The following COL9A3 variants were observed in gnomAD, a reference collection of about 807,000 sequenced individuals.
COL9A3 encodes collagen type IX alpha 3 chain.
COL9A3 carries 82 observed loss-of-function variants against 110.2 expected under a neutral mutation model. That is an observed-to-expected ratio of 0.74 (90% CI 0.62 to 0.89). COL9A3 has a LOEUF of 0.89. Ranked by LOEUF, COL9A3 falls within the 40% of genes least tolerant of loss-of-function variation. The pLI is 0.00. For synonymous variants in COL9A3, 494 were observed against 403.8 expected, an observed-to-expected ratio of 1.22 and a Z score of -2.68; for missense variants, 1,066 against 981.3, an observed-to-expected ratio of 1.09 and a Z score of -1.15.
chr20:62,817,061 A>G lies in COL9A3; in HGVS notation c.-4A>G. 7.4e-7 allele frequency: 1 copy of G among 1,352,728 alleles called. No homozygotes were observed. Among genetic ancestry groups the G allele is most frequent in the Non-Finnish European group, 9.6e-7 (1 of 1,045,458 alleles). 83.8% of individuals were successfully genotyped at this position (1,352,728 alleles called of 1,614,324 possible). A position where few individuals can be genotyped will look rare whatever the true frequency, so the allele number is the denominator to read the frequency against. ...CGACGCCGCAGCTCAGACTCCGCTCAGCCATGGCCGGGCCGCGCGCGTGCG... is the reference window on the plus strand; with the variant it reads ...CGACGCCGCAGCTCAGACTCCGCTCGGCCATGGCCGGGCCGCGCGCGTGCG... On this transcript the variant is annotated 5_prime_UTR_variant, in exon 1 of 32. Coordinates refer to ENST00000649368, the MANE Select transcript of COL9A3 (RefSeq NM_001853.4).
In COL9A3 at chr20:62,832,318, GTGTC is replaced by G. The variant is rs1386528569; in HGVS notation, c.1323+134_1323+137del. ...ACTGAGCCTCCTTTCTCCTCTTGCC[GTGTC>G]TGTCAGTCGCCCTTTCTGGCTCCTG... On this transcript the variant is annotated intron_variant, in intron 25 of 31. Transcript: ENST00000649368. 3.3e-6 allele frequency: 3 copies of G among 911,426 alleles called. No homozygotes were observed. In the African/African-American group the frequency reaches 5.7e-5, roughly 17 times the overall value. 56.5% of individuals were successfully genotyped at this position (911,426 alleles called of 1,614,324 possible).
At chr20:62,825,316 G>A (rs867769061) in intron 12 of COL9A3, 29 of 334,582 alleles carry the variant, frequency 8.7e-5, no homozygotes, top group Middle Eastern at 9.5e-4. Context: ...GACAGACCCC[G>A]TCCTGCCTGG....
At position 62,821,499 on chromosome 20, in the gene COL9A3, C is replaced by A. The variant is rs758643396; in HGVS notation, c.346-8C>A. ...TGGCAGGCTCTGACCCCATGTTTGG[C>A]TTTGCAGGGCAAAGGCCTCCCTGGA... is the stretch of plus-strand genomic sequence containing the variant. On this transcript the variant is annotated splice_polypyrimidine_tract_variant and splice_region_variant and intron_variant, in intron 6 of 31. Coordinates refer to ENST00000649368, the MANE Select transcript of COL9A3 (RefSeq NM_001853.4). 4.3e-6 allele frequency: 7 copies of A among 1,612,936 alleles called. No individual in the cohort carries two copies. The Admixed American group carries it at 6.7e-5, about 15-fold the overall frequency.
chr20:62,833,549 G>A (rs868000669), intron 26 of COL9A3, among the ~76,000 whole-genome samples: 43 of 150,326 alleles, frequency 2.9e-4, no homozygotes, highest in African/African-American at 6.9e-4. Flanking sequence ...GACTACAGGC[G>A]CCCGCCACCA....
intron 14 of COL9A3, among the ~76,000 whole-genome samples, chr20:62,826,477 C>T (rs1031053874): frequency 2.0e-5 from 3 of 152,094 alleles, no homozygotes; most frequent in African/African-American, 7.2e-5. Flanking sequence ...CGCACGCGGT[C>T]CCAGGCTGCT....
At chr20:62,830,472 C>A in intron 23 of COL9A3, 45 bp from the exon 24 acceptor site, 2 of 1,595,410 alleles carry the variant, frequency 1.3e-6, no homozygotes, top group Non-Finnish European at 1.7e-6. Context: ...ACGGGCCAGA[C>A]CCGACAGGGT....
chr20:62,821,897 T>G (rs890311516), intron 8 of COL9A3, 87 bp downstream of exon 8: 5 of 814,614 alleles, frequency 6.1e-6, no homozygotes, highest in Non-Finnish European at 1.1e-5. Flanking sequence ...CCTTCCCCTC[T>G]CCCTTTTCCC....
At chr20:62,834,299 C>T (rs1207423227) in intron 26 of COL9A3, among the ~76,000 whole-genome samples, 2 of 152,240 alleles carry the variant, frequency 1.3e-5, no homozygotes, top group East Asian at 1.9e-4. Flanking sequence ...CGTGAGCCGC[C>T]GTGTCAGGCC....
intron 4 of COL9A3, 77 bp from the exon 5 acceptor site, chr20:62,819,852 C>G: frequency 6.5e-7 from 1 of 1,531,944 alleles, no homozygotes; most frequent in Non-Finnish European, 9.0e-7. Flanking sequence ...GGGAAGGGTC[C>G]GTGCTTCCAT....
intron 22 of COL9A3, among the ~76,000 whole-genome samples, chr20:62,830,104 G>C (rs2063583838): frequency 6.6e-6 from 1 of 152,118 alleles, no homozygotes; most frequent in African/African-American, 2.4e-5. Flanking sequence ...GGCCCTGGTG[G>C]GGGGAGCCAG....
Position 62,841,024 on chromosome 20 carries a change from T to G in COL9A3, c.*292T>G. ...ACTCCACGAGGTGAAAAATATTCAG[T>G]AACTTGTTTACATAGCATTTGTGTA... On this transcript the variant is annotated 3_prime_UTR_variant, in exon 32 of 32. Transcript: ENST00000649368. 2.4e-6 allele frequency: 1 copy of G among 409,420 alleles called. No homozygotes were observed. Among genetic ancestry groups the G allele is most frequent in the Non-Finnish European group, 4.5e-6 (1 of 222,030 alleles). 25.4% of individuals were successfully genotyped at this position (409,420 alleles called of 1,614,324 possible).
At position 62,840,841 on chromosome 20, in the gene COL9A3, G is replaced by A. The variant is rs1033712452; in HGVS notation, c.*109G>A. On this transcript the variant is annotated 3_prime_UTR_variant, in exon 32 of 32. Coordinates refer to ENST00000649368, the MANE Select transcript of COL9A3 (RefSeq NM_001853.4). ...ACGTCCAGGAGAGGGAGCGCCCCTG[G>A]CTGCCCCTCGGCCGCCGACTGGACG... The A allele has an allele frequency of 1.0e-5, 14 of 1,352,226 alleles. No homozygotes were observed. In the African/African-American group the frequency reaches 1.9e-4, roughly 18 times the overall value. 83.8% of individuals were successfully genotyped at this position (1,352,226 alleles called of 1,614,324 possible). A position where few individuals can be genotyped will look rare whatever the true frequency, so the allele number is the denominator to read the frequency against.
In COL9A3 at chr20:62,828,631, C is replaced by G. The variant is rs6010754; in HGVS notation, c.901-133C>G. ...CCACACGGCCACCTTGGTCATGAAA[C>G]CAGATAACTGCCAGGGTGTGGGGGC... On this transcript the variant is annotated intron_variant, in intron 17 of 31. Coordinates refer to ENST00000649368, the MANE Select transcript of COL9A3 (RefSeq NM_001853.4). The G allele has an allele frequency of 0.031, 32,637 of 1,049,246 alleles. 1,852 individuals are homozygous for G. Among genetic ancestry groups the G allele is most frequent in the African/African-American group, 0.22 (13,943 of 63,994 alleles). 65.0% of individuals were successfully genotyped at this position (1,049,246 alleles called of 1,614,324 possible).
intron 25 of COL9A3, among the ~76,000 whole-genome samples, chr20:62,832,582 G>A (rs942797600): frequency 1.5e-5 from 2 of 132,872 alleles, no homozygotes; most frequent in Non-Finnish European, 3.5e-5. Context: ...TAGGCTCTGC[G>A]TGTGTGTTTT....
At chr20:62,827,216 C>T (rs200422712) in intron 15 of COL9A3, 25 bp from the exon 16 acceptor site, 1 of 1,612,932 alleles carries the variant, frequency 6.2e-7, no homozygotes, top group African/African-American at 1.3e-5. Context: ...TTAACTCTGT[C>T]CCTGCCCCAC....
chr20:62,819,416 G>A (rs554882470), intron 4 of COL9A3, 123 bp downstream of exon 4: 438 of 921,910 alleles, frequency 4.8e-4, no homozygotes, highest in Admixed American at 1.0e-3. Flanking sequence ...CCTGAGAGAA[G>A]TCTCCAGAAG....
chr20:62,837,989 T>G (rs2063649731), intron 30 of COL9A3, among the ~76,000 whole-genome samples: 1 of 152,192 alleles, frequency 6.6e-6, no homozygotes, highest in South Asian at 2.1e-4. Flanking sequence ...AACACAGATG[T>G]AAGATTTGAA....
intron 30 of COL9A3, 132 bp downstream of exon 30, chr20:62,837,397 T>C: frequency 1.1e-6 from 1 of 916,150 alleles, no homozygotes; most frequent in Non-Finnish European, 1.7e-6. Context: ...GCCTCTCATG[T>C]TTTGGGGCCT....
intron 30 of COL9A3, among the ~76,000 whole-genome samples, chr20:62,837,956 A>G (rs911476019): frequency 2.6e-4 from 40 of 152,272 alleles, no homozygotes; most frequent in African/African-American, 9.6e-4. Context: ...GCCTCTACTA[A>G]AAATACAAAA....
Sources: allele counts gnomAD v4.1 joint callset (sites outside exome capture counted in the v4.1 genomes callset), GRCh38; gene constraint gnomAD v4.1.1; transcripts MANE v1.5; gene names NCBI Gene and HGNC (gene_info 2026-07-23, HGNC 2026-07-21).